CD22: variants seen among roughly 807,000 people sequenced by gnomAD.
The protein encoded by CD22 is B-cell receptor CD22.
CD22 carries 51 observed loss-of-function variants against 94.7 expected under a neutral mutation model. The observed-to-expected ratio is 0.54, with a 90% confidence interval of 0.43 to 0.68. The LOEUF (loss-of-function observed/expected upper bound fraction) is 0.68. CD22 is among the 30% of genes least tolerant of loss of function. The pLI, the probability that CD22 is intolerant of heterozygous loss-of-function variation, is 0.00. For missense variants in CD22, 931 were observed against 1,060.4 expected, an observed-to-expected ratio of 0.88 and a Z score of 1.69; for synonymous variants, 424 against 422.5, an observed-to-expected ratio of 1.00 and a Z score of -0.04.
chr19:35,341,798 C>T lies in CD22; in HGVS notation c.1868C>T (p.Pro623Leu). Reference sequence around the variant, plus strand: ...ACCTGTGAGAGCGACGCCAACCCTCCCGTCTCCCACTACACCTGGTTTGAC... The same window carrying T: ...ACCTGTGAGAGCGACGCCAACCCTCTCGTCTCCCACTACACCTGGTTTGAC... ...TLTCESDANP[P>L]VSHYTWFDWN... Residue 623 changes from proline to leucine, a missense_variant, in exon 9 of 14, where the codon CCC (proline) becomes CTC (leucine). Coordinates refer to ENST00000085219, the MANE Select transcript of CD22 (RefSeq NM_001771.4). The surrounding 1 kb of genome is among the most constrained non-coding windows in gnomAD (Gnocchi z 4.0). The T allele has an allele frequency of 1.9e-6, 3 of 1,613,720 alleles. No individual in the cohort carries two copies. Among genetic ancestry groups the T allele is most frequent in the East Asian group, 2.2e-5 (1 of 44,880 alleles).
intron 9 of CD22, 108 bp downstream of exon 9, chr19:35,342,073 TTCC>T (rs1317143477): frequency 2.5e-5 from 25 of 1,015,680 alleles, no homozygotes; most frequent in South Asian, 1.8e-4. Context: ...TCTCTTTCTT[TTCC>T]TCCTCCTCTT....
chr19:35,338,527 T>G, intron 6 of CD22, 96 bp downstream of exon 6: 1 of 1,349,080 alleles, frequency 7.4e-7, no homozygotes, highest in Non-Finnish European at 1.0e-6. Flanking sequence ...GGTCCTGGAG[T>G]CAAGAGCAAG....
chr19:35,340,247 G>GT (rs1195780686), intron 6 of CD22, among the ~76,000 whole-genome samples: 1 of 152,022 alleles, frequency 6.6e-6, no homozygotes, highest in Non-Finnish European at 1.5e-5. Flanking sequence ...TTCCCAGGAG[G>GT]TTAGGAACTC....
In CD22 at chr19:35,346,148, C is replaced by T. The variant is rs745878478; in HGVS notation, c.2328-3C>T. On this transcript the variant is annotated splice_region_variant and splice_polypyrimidine_tract_variant and intron_variant, in intron 12 of 13. Transcript: ENST00000085219. ...GTGGTCGTCTATCTGCCCTGTCTCT[C>T]AGAGATGCAGAGTCCTCAGAGATGC... is the stretch of plus-strand genomic sequence containing the variant. The T allele has an allele frequency of 9.9e-6, 16 of 1,611,386 alleles. No individual in the cohort carries two copies. In the Admixed American group the frequency reaches 1.8e-4, roughly 18 times the overall value.
In CD22 at chr19:35,336,177, A is replaced by G. The variant is rs921632714; in HGVS notation, c.554A>G (p.Gln185Arg). 6.2e-7 allele frequency: 1 copy of G among 1,614,190 alleles called. No homozygotes were observed. Among genetic ancestry groups the G allele is most frequent in the African/African-American group, 1.3e-5 (1 of 75,050 alleles). ...QWLLEGVPMR[Q>R]AAVTSTSLTI... ...CTCCTAGAGGGGGTTCCAATGAGGCAGGCTGCTGTCACCTCGACCTCCTTG... is the reference window on the plus strand; with the variant it reads ...CTCCTAGAGGGGGTTCCAATGAGGCGGGCTGCTGTCACCTCGACCTCCTTG... The change falls in exon 4 of 14, where the codon CAG (glutamine) becomes CGG (arginine). Residue 185 changes from glutamine to arginine, a missense_variant. Physicochemically the swap from Gln to Arg is conservative, Grantham distance 43 (BLOSUM62 1). Transcript: ENST00000085219.
At position 35,346,943 on chromosome 19, in the gene CD22, C is replaced by T. The variant is rs16970255; in HGVS notation, c.*246C>T. 0.017 allele frequency: 7,433 copies of T among 445,036 alleles called. 142 individuals are homozygous for T. The highest frequency in any genetic ancestry group is 0.064 in the African/African-American group (3,140 of 48,788). The allele number at this position is 445,036 out of a possible 1,614,324, so 27.6% of individuals were successfully genotyped here. A position where few individuals can be genotyped will look rare whatever the true frequency, so the allele number is the denominator to read the frequency against. On this transcript the variant is annotated 3_prime_UTR_variant, in exon 14 of 14. Coordinates refer to ENST00000085219, the MANE Select transcript of CD22 (RefSeq NM_001771.4). ...TGTTCTCTTCCACTCTCCTTGCTAC[C>T]CAGAAATCCATCTAAATACCTGCCC...
intron 3 of CD22, among the ~76,000 whole-genome samples, chr19:35,333,565 C>T (rs188994402): frequency 6.6e-6 from 1 of 151,782 alleles, no homozygotes; most frequent in East Asian, 1.9e-4. Flanking sequence ...CTTCCTTTCC[C>T]TTTTTATGAG....
rs2066747612 is a variant in CD22 at position 35,337,881 on chromosome 19, A to G, written c.845A>G (p.Asp282Gly). The change falls in exon 5 of 14, where the codon GAT (aspartate) becomes GGT (glycine). Residue 282 changes from aspartate (D) to glycine (G), a missense_variant. Coordinates refer to ENST00000085219, the MANE Select transcript of CD22 (RefSeq NM_001771.4). This position sits in a 1 kb window ranked among gnomAD's most constrained non-coding sequence, Gnocchi z 4.4. ...PEYTTVSWLK[D>G]GTSLKKQNTF... ...TACACGACGGTATCCTGGCTCAAGG[A>G]TGGGACCTCGCTGAAGAAGCAGAAT... The G allele has an allele frequency of 1.2e-6, 2 of 1,614,184 alleles. No individual in the cohort carries two copies. Among genetic ancestry groups the G allele is most frequent in the Non-Finnish European group, 1.7e-6 (2 of 1,180,030 alleles).
chr19:35,346,099 G>T, intron 12 of CD22, 52 bp from the exon 13 acceptor site: 1 of 1,370,518 alleles, frequency 7.3e-7, no homozygotes, highest in South Asian at 1.2e-5. Flanking sequence ...AGAGGGAGGA[G>T]AGTTCGTGGG....
In CD22 at chr19:35,338,341, C is replaced by T. The variant is rs746572402; in HGVS notation, c.1159C>T (p.Leu387Phe). 4.3e-6 allele frequency: 7 copies of T among 1,614,200 alleles called. No individual in the cohort carries two copies. Among genetic ancestry groups the T allele is most frequent in the Middle Eastern group, 1.6e-4 (1 of 6,062 alleles). Residue 387 changes from leucine (L) to phenylalanine (F), a missense_variant, in exon 6 of 14, where the codon CTC becomes TTC. Transcript: ENST00000085219. The stretch of plus-strand genomic sequence containing the variant: ...GGAGAAAGTCCACATCCCAAAGATC[C>T]TCCCCTGGCACGCTGGGACTTATTC... The part of the protein sequence containing the change: ...TEEKVHIPKI[L>F]PWHAGTYSCV...
chr19:35,343,088 G>T (rs777634069), intron 9 of CD22, among the ~76,000 whole-genome samples: 1 of 149,308 alleles, frequency 6.7e-6, no homozygotes. Flanking sequence ...GTGAGCCACC[G>T]CACCCGGCTG....
chr19:35,337,655 A>T lies in CD22; in HGVS notation c.719-100A>T, dbSNP rs1374379936. 1 of 1,039,890 alleles carries T rather than the reference A, an allele frequency of 9.6e-7. No homozygotes were observed. The highest frequency in any genetic ancestry group is 2.6e-5 in the East Asian group (1 of 38,210). 64.4% of individuals were successfully genotyped at this position (1,039,890 alleles called of 1,614,324 possible). A position where few individuals can be genotyped will look rare whatever the true frequency, so the allele number is the denominator to read the frequency against. On this transcript the variant is annotated intron_variant, in intron 4 of 13. Coordinates refer to ENST00000085219, the MANE Select transcript of CD22 (RefSeq NM_001771.4). This position sits in a 1 kb window ranked among gnomAD's most constrained non-coding sequence, Gnocchi z 4.4. Reference sequence around the variant, plus strand: ...CTGTGACCATCACCTGGGTGAAGGGACTGGCAGGCCATGGCTTTGTCAGAA... The same window carrying T: ...CTGTGACCATCACCTGGGTGAAGGGTCTGGCAGGCCATGGCTTTGTCAGAA...
In CD22 at chr19:35,340,924, G is replaced by T. The variant is rs267605427; in HGVS notation, c.1293G>T (p.Pro431=). The part of the protein sequence containing the change: ...KVTTVIQNPM[P]IREGDTVTLS... ...CCACAGTGATTCAAAACCCCATGCCGATTCGAGAAGGAGACACAGTGACCC... is the reference window on the plus strand; with the variant it reads ...CCACAGTGATTCAAAACCCCATGCCTATTCGAGAAGGAGACACAGTGACCC... The change falls in exon 7 of 14, where the codon CCG becomes CCT. Residue 431 remains proline, a synonymous_variant. Coordinates refer to ENST00000085219, the MANE Select transcript of CD22 (RefSeq NM_001771.4). The T allele has an allele frequency of 6.2e-7, 1 of 1,613,984 alleles. No homozygotes were observed. The highest frequency in any genetic ancestry group is 8.5e-7 in the Non-Finnish European group (1 of 1,180,022).
chr19:35,341,742 C>A lies in CD22; in HGVS notation c.1812C>A (p.Asp604Glu), dbSNP rs182073211. ...TGCGTGTGTCCATGAGCCCGGGGGA[C>A]CAAGTGATGGAGGGGAAGAGTGCAA... ...RRLRVSMSPG[D>E]QVMEGKSATL... The change falls in exon 9 of 14, where the codon GAC becomes GAA. Residue 604 changes from aspartate (D) to glutamate (E), a missense_variant. By Grantham distance (45) the Asp-to-Glu change is conservative. Coordinates refer to ENST00000085219, the MANE Select transcript of CD22 (RefSeq NM_001771.4). This position sits in a 1 kb window ranked among gnomAD's most constrained non-coding sequence, Gnocchi z 4.0. 9 of 1,611,452 alleles carry A rather than the reference C, an allele frequency of 5.6e-6. No individual in the cohort carries two copies. In the African/African-American group the frequency reaches 1.2e-4, roughly 21 times the overall value.
chr19:35,331,439 A>G (rs2066643263), intron 1 of CD22, among the ~76,000 whole-genome samples: 1 of 152,148 alleles, frequency 6.6e-6, no homozygotes, highest in Admixed American at 6.5e-5. Context: ...GGATGAATGG[A>G]TGGATGGGAA....
chr19:35,346,415 C>A, intron 13 of CD22, 151 bp from the exon 14 acceptor site: 1 of 1,192,646 alleles, frequency 8.4e-7, no homozygotes, highest in Non-Finnish European at 1.2e-6. Context: ...ACCTCCAGGT[C>A]CTGGATGCCG....
At chr19:35,329,351 A>G (rs1367408696) in intron 1 of CD22, 121 bp downstream of exon 1, 6 of 545,056 alleles carry the variant, frequency 1.1e-5, no homozygotes, top group Non-Finnish European at 1.9e-5. Flanking sequence ...GCTCTCTCTT[A>G]CCGGTGTTAC....
Position 35,332,534 on chromosome 19 carries a change from T to A in CD22, c.35-13T>A. 3.1e-6 allele frequency: 5 copies of A among 1,590,136 alleles called. No homozygotes were observed. Among genetic ancestry groups the A allele is most frequent in the Non-Finnish European group, 4.3e-6 (5 of 1,169,822 alleles). On this transcript the variant is annotated splice_polypyrimidine_tract_variant and intron_variant, in intron 2 of 13. Transcript: ENST00000085219. ...ATGCCCCCTTAGTAATGCTTTCTGATCACTGTGGTGAGTTCTAGAATACTT... is the reference window on the plus strand; with the variant it reads ...ATGCCCCCTTAGTAATGCTTTCTGAACACTGTGGTGAGTTCTAGAATACTT...
rs1172049043 is a variant in CD22, at chr19:35,337,445, G to A, written c.719-310G>A. 1.3e-5 allele frequency among the ~76,000 whole-genome samples: 2 copies of A among 152,164 alleles called. No homozygotes were observed. The highest frequency in any genetic ancestry group is 1.5e-5 in the Non-Finnish European group (1 of 68,038). ...GGTAGGACAGGAGGCAGGAGATGGA[G>A]CAGGACTCTGGATCCCGAGGGCTGA... On this transcript the variant is annotated intron_variant, in intron 4 of 13. Transcript: ENST00000085219. This position sits in a 1 kb window ranked among gnomAD's most constrained non-coding sequence, Gnocchi z 4.4.
Sources: allele counts gnomAD v4.1 joint callset (sites outside exome capture counted in the v4.1 genomes callset), GRCh38; gene constraint gnomAD v4.1.1; non-coding constraint Gnocchi (gnomAD v3.1); transcripts MANE v1.5; gene names NCBI Gene and HGNC (gene_info 2026-07-23, HGNC 2026-07-21).